OSGEP: variants seen among roughly 807,000 people sequenced by gnomAD.
OSGEP encodes the protein tRNA N6-adenosine threonylcarbamoyltransferase.
Under a neutral mutation model 44.1 loss-of-function variants are expected in OSGEP, and 39 were observed. The observed-to-expected ratio is 0.88, with a 90% CI of 0.69 to 1.16. OSGEP has a LOEUF of 1.16. Ranked by LOEUF, OSGEP falls within the 50% of genes most tolerant of loss-of-function variation. The pLI, the probability that OSGEP is intolerant of heterozygous loss-of-function variation, is 0.00. For missense variants in OSGEP, 403 were observed against 443.1 expected (o/e 0.91, Z 0.81); for synonymous variants, 139 against 161.9 (o/e 0.86, Z 1.07).
chr14:20,452,375 C>T lies in OSGEP; in HGVS notation c.189G>A (p.Glu63=). 1 of 1,614,058 alleles carries T rather than the reference C, an allele frequency of 6.2e-7. No homozygotes were observed. The highest frequency in any genetic ancestry group is 8.5e-7 in the Non-Finnish European group (1 of 1,179,948). ...CGATATCCTGGGAGGTTAATCCAGACTCTGTTAGTGCCTCCTGCAGCAGGT... is the reference window on the plus strand; with the variant it reads ...CGATATCCTGGGAGGTTAATCCAGATTCTGTTAGTGCCTCCTGCAGCAGGT... ...ILDLLQEALT[E]SGLTSQDIDC... is the part of the protein sequence containing the mutation. Residue 63 remains glutamate (E), a synonymous_variant, in exon 2 of 11, where the codon GAG becomes GAA. Transcript: ENST00000206542.
Position 20,448,167 on chromosome 14 carries a change from A to G in OSGEP, c.641T>C (p.Val214Ala), listed in dbSNP as rs1322480195. The G allele has an allele frequency of 5.6e-6, 9 of 1,611,946 alleles. No individual in the cohort carries two copies. ...GCCTGTGGCCAGCATCCGATGGGCT[A>G]CATCCTACAATTAAAGGGAAAAACA... ...FSGILSFIED[V>A]AHRMLATGEC... Residue 214 changes from valine to alanine, a missense_variant, in exon 7 of 11, where the codon GTA (valine) becomes GCA (alanine). Transcript: ENST00000206542.
At chr14:20,447,865 TAAG>T (rs1478324460) in intron 8 of OSGEP, 36 bp downstream of exon 8, 2 of 1,448,620 alleles carry the variant, frequency 1.4e-6, no homozygotes, top group East Asian at 2.3e-5. Context: ...CGCATAGTGT[TAAG>T]AATAGGAAAG....
chr14:20,448,665 G>C (rs958551907), intron 6 of OSGEP, 68 bp downstream of exon 6: 23 of 1,108,068 alleles, frequency 2.1e-5, no homozygotes, highest in Admixed American at 6.9e-5. Flanking sequence ...AAATATAATC[G>C]TAAGTAAAAC....
intron 1 of OSGEP, among the ~76,000 whole-genome samples, chr14:20,453,997 C>A (rs1057459817): frequency 6.6e-6 from 1 of 151,592 alleles, no homozygotes; most frequent in African/African-American, 2.4e-5. Context: ...CCAGCCTGGG[C>A]GACAGAGCAA....
At chr14:20,448,452 T>C (rs771715215) in intron 6 of OSGEP, among the ~76,000 whole-genome samples, 4 of 152,138 alleles carry the variant, frequency 2.6e-5, no homozygotes, top group Non-Finnish European at 5.9e-5. Context: ...ACTTCATTAT[T>C]TTCCTCTTTC....
At chr14:20,452,737 T>C (rs1246272630) in intron 1 of OSGEP, among the ~76,000 whole-genome samples, 1 of 149,360 alleles carries the variant, frequency 6.7e-6, no homozygotes, top group African/African-American at 2.5e-5. Context: ...TTTGAGACAG[T>C]CTCAGCTCTG....
intron 3 of OSGEP, chr14:20,449,639 G>A (rs909182905): frequency 4.1e-6 from 1 of 241,832 alleles, no homozygotes; most frequent in Admixed American, 5.1e-5. Flanking sequence ...ATGACACAGT[G>A]GCAGTGGTAA....
chr14:20,453,370 C>CT (rs201247417), intron 1 of OSGEP, among the ~76,000 whole-genome samples: 45,310 of 102,564 alleles, frequency 0.44, 7,049 homozygotes, highest in African/African-American at 0.48. Context: ...GTGTTTTGTA[C>CT]TTTTTTTTTT....
At chr14:20,448,408 C>T (rs1430993891) in intron 6 of OSGEP, among the ~76,000 whole-genome samples, 1 of 152,158 alleles carries the variant, frequency 6.6e-6, no homozygotes, top group Non-Finnish European at 1.5e-5. Context: ...ACTTATCCTG[C>T]TTAATTTTTC....
Position 20,448,749 on chromosome 14 carries a change from A to C in OSGEP, c.620T>G (p.Ile207Ser). 6.2e-7 allele frequency: 1 copy of C among 1,612,502 alleles called. No homozygotes were observed. The highest frequency in any genetic ancestry group is 8.5e-7 in the Non-Finnish European group (1 of 1,178,468). The change falls in exon 6 of 11, where the codon ATC becomes AGC. Residue 207 changes from isoleucine (I) to serine (S), a missense_variant. Coordinates refer to ENST00000206542, the MANE Select transcript of OSGEP (RefSeq NM_017807.4). ...CACACTCACCTCAATGAAAGACAGG[A>C]TCCCTGAGAATGAGACGTCCATCCC... ...VKGMDVSFSGILSFIEDVAHR... is the reference protein window; with the variant it reads ...VKGMDVSFSGSLSFIEDVAHR...
At chr14:20,448,878 G>C in intron 5 of OSGEP, 67 bp from the exon 6 acceptor site, 1 of 1,589,236 alleles carries the variant, frequency 6.3e-7, no homozygotes, top group Non-Finnish European at 8.6e-7. Flanking sequence ...TCCAAAGCCC[G>C]TCCCAAATTT....
chr14:20,447,548 G>C (rs757763798), intron 9 of OSGEP, 28 bp from the exon 10 acceptor site: 1 of 1,609,762 alleles, frequency 6.2e-7, no homozygotes, highest in Admixed American at 1.7e-5. Context: ...TGAAAATTGG[G>C]ATCTAAGGGT....
Position 20,448,219 on chromosome 14 carries a change from G to C in OSGEP, c.637-48C>G, listed in dbSNP as rs111879316. On this transcript the variant is annotated intron_variant, in intron 6 of 10. Transcript: ENST00000206542. ...AAGAATCAACAAATCATGGTTTTGGGATTACACGAGAGCAAAAATTAATGC... is the reference window on the plus strand; with the variant it reads ...AAGAATCAACAAATCATGGTTTTGGCATTACACGAGAGCAAAAATTAATGC... 1,125 of 1,506,150 alleles carry C rather than the reference G, an allele frequency of 7.5e-4. 10 individuals carry two copies. The African/African-American group carries it at 0.013, about 18-fold the overall frequency. The allele number at this position is 1,506,150 out of a possible 1,614,324, so 93.3% of individuals were successfully genotyped here. A position where few individuals can be genotyped will look rare whatever the true frequency, so the allele number is the denominator to read the frequency against.
rs370548312 is a variant in OSGEP, at chr14:20,451,961, G to A, written c.411+13C>T. The stretch of plus-strand genomic sequence containing the variant: ...CAGAAATTGAGATGGAGTGGGTAGA[G>A]CCCTCTAAATACCTGCGTATTTCCT... On this transcript the variant is annotated intron_variant, in intron 3 of 10. Coordinates refer to ENST00000206542, the MANE Select transcript of OSGEP (RefSeq NM_017807.4). 26 of 1,577,076 alleles carry A rather than the reference G, an allele frequency of 1.6e-5. No homozygotes were observed. In the African/African-American group the frequency reaches 2.2e-4, roughly 13 times the overall value.
chr14:20,448,841 A>G, intron 5 of OSGEP, 30 bp from the exon 6 acceptor site: 1 of 1,597,432 alleles, frequency 6.3e-7, no homozygotes, highest in Non-Finnish European at 8.6e-7. Flanking sequence ...CGAGGCACTA[A>G]GCCTACAGTC....
Position 20,447,451 on chromosome 14 carries a change from G to C in OSGEP, c.939C>G (p.Thr313=), listed in dbSNP as rs1880975758. ...GTGTAACCCCAGAATCACTGAGTGG[G>C]GTCCTGTGTCCAGCCCGAAACATCT... is the stretch of plus-strand genomic sequence containing the variant. ...GWEMFRAGHR[T]PLSDSGVTQR... Residue 313 remains threonine (T), a synonymous_variant, in exon 10 of 11, where the codon ACC becomes ACG. Transcript: ENST00000206542. 1.2e-6 allele frequency: 2 copies of C among 1,613,950 alleles called. No individual in the cohort carries two copies. Among genetic ancestry groups the C allele is most frequent in the African/African-American group, 2.7e-5 (2 of 74,902 alleles).
chr14:20,448,034 C>G (rs1303153750), intron 7 of OSGEP, 40 bp from the exon 8 acceptor site: 2 of 1,587,632 alleles, frequency 1.3e-6, no homozygotes, highest in South Asian at 2.2e-5. Flanking sequence ...AGAGGGGCAT[C>G]CCAGATTAGT....
chr14:20,447,201 C>T lies in OSGEP; in HGVS notation c.*39G>A. The stretch of plus-strand genomic sequence containing the variant: ...ATTGAGGCACGGGGTCCTTTGGGTT[C>T]CGATTAAGGAACTATCTACTCTGAT... On this transcript the variant is annotated 3_prime_UTR_variant, in exon 11 of 11. Coordinates refer to ENST00000206542, the MANE Select transcript of OSGEP (RefSeq NM_017807.4). The T allele has an allele frequency of 1.3e-6, 2 of 1,587,312 alleles. No individual in the cohort carries two copies. Among genetic ancestry groups the T allele is most frequent in the Admixed American group, 1.7e-5 (1 of 59,972 alleles).
intron 1 of OSGEP, 84 bp downstream of exon 1, chr14:20,454,485 C>G: frequency 1.1e-6 from 1 of 918,302 alleles, no homozygotes; most frequent in Non-Finnish European, 1.8e-6. Context: ...TCGAAAGCTG[C>G]ACCTCACTAG....
Sources: allele counts gnomAD v4.1 joint callset (sites outside exome capture counted in the v4.1 genomes callset), GRCh38; gene constraint gnomAD v4.1.1; transcripts MANE v1.5; gene names NCBI Gene and HGNC (gene_info 2026-07-23, HGNC 2026-07-21).